CLVS1: variants seen among roughly 807,000 people sequenced by gnomAD.
CLVS1 encodes the protein clavesin-1.
A neutral mutation model predicts 33.1 loss-of-function variants in CLVS1; 10 were observed. The ratio of observed to expected loss-of-function variants is 0.30; its 90% CI spans 0.19 to 0.51. The LOEUF (loss-of-function observed/expected upper bound fraction) is 0.51, where lower values mean the gene tolerates loss of function less well. Among genes scored for constraint, CLVS1 ranks in the 20% least tolerant of loss-of-function variants. CLVS1 has a pLI of 0.97. For synonymous variants in CLVS1, 163 were observed against 166.1 expected (o/e 0.98, Z 0.14); for missense variants, 343 against 433.4 (o/e 0.79, Z 1.85).
In CLVS1 at chr8:61,164,045, A is replaced by T. The variant is rs546583422; in HGVS notation, c.-152+32185A>T. On this transcript the variant is annotated intron_variant, in intron 2 of 2. Transcript: ENST00000522621. ...AATGCGTGGGGTTTATATCCCAATC[A>T]TTGTCCCTCCCCCTGTGCTCTCAGG... Among the ~76,000 whole-genome samples, 310 of 152,240 alleles carry T rather than the reference A, an allele frequency of 2.0e-3. 1 individual carries two copies. The highest frequency in any genetic ancestry group is 7.2e-3 in the African/African-American group (300 of 41,542).
At chr8:60,974,519 C>T in the CLVS1 span, among the ~76,000 whole-genome samples, 1 of 152,138 alleles carries the variant, frequency 6.6e-6, no homozygotes, top group East Asian at 1.9e-4. Context: ...CCATTGATAC[C>T]ATGCTTATTT....
intron 3 of CLVS1, among the ~76,000 whole-genome samples, chr8:61,451,717 G>A (rs894425933): frequency 6.6e-6 from 1 of 151,980 alleles, no homozygotes; most frequent in East Asian, 1.9e-4. Flanking sequence ...GATCAGGCAA[G>A]AGGCAACCAA....
chr8:61,305,050 ATCCT>A (rs1436050969), intron 2 of CLVS1, among the ~76,000 whole-genome samples: 1 of 152,066 alleles, frequency 6.6e-6, no homozygotes, highest in African/African-American at 2.4e-5. Context: ...AGTTGCTTAA[ATCCT>A]TATTACCCTC....
At chr8:61,000,466 C>G in the CLVS1 span, among the ~76,000 whole-genome samples, 1 of 152,014 alleles carries the variant, frequency 6.6e-6, no homozygotes, top group Non-Finnish European at 1.5e-5. Flanking sequence ...CTGACGGGTT[C>G]AAGGGGAGTG....
At chr8:61,105,818 G>A (rs6996549) in intron 1 of CLVS1, among the ~76,000 whole-genome samples, 4,129 of 151,746 alleles carry the variant, frequency 0.027, 184 homozygotes, top group African/African-American at 0.094. Flanking sequence ...TTAGGAATCA[G>A]CAGCTATAGG....
rs35834045 is a variant in CLVS1, at chr8:61,101,807, G to GTTT, written c.-242-29953_-242-29951dup. On this transcript the variant is annotated intron_variant, in intron 1 of 2. Transcript: ENST00000522621. ...AAATATGGTGTGAGTAGGAGTCCAA[G>GTTT]TTTTTTTTTTTTCATGTAGATATTC... Among the ~76,000 whole-genome samples the GTTT allele has an allele frequency of 3.1e-3, 460 of 147,280 alleles. 1 individual carries two copies. The highest frequency in any genetic ancestry group is 4.6e-3 in the Non-Finnish European group (304 of 66,568).
chr8:61,168,347 A>T (rs1806923710), intron 2 of CLVS1, among the ~76,000 whole-genome samples: 1 of 152,232 alleles, frequency 6.6e-6, no homozygotes, highest in Admixed American at 6.5e-5. Context: ...TCTTTATTAA[A>T]AATTCCAACA....
upstream of CLVS1, among the ~76,000 whole-genome samples, chr8:61,053,866 G>A (rs7002018): frequency 2.9e-4 from 44 of 152,264 alleles, no homozygotes; most frequent in African/African-American, 9.9e-4. Context: ...CCTACCTGTC[G>A]GGTGGACTCA....
intron 2 of CLVS1, among the ~76,000 whole-genome samples, chr8:61,166,082 C>T (rs577500768): frequency 1.5e-5 from 2 of 135,392 alleles, no homozygotes; most frequent in African/African-American, 2.7e-5. Context: ...GAAAGGGCTG[C>T]GTCTTTTCTC....
At chr8:61,424,342 C>A (rs765992549) in intron 3 of CLVS1, among the ~76,000 whole-genome samples, 1 of 152,230 alleles carries the variant, frequency 6.6e-6, no homozygotes, top group Non-Finnish European at 1.5e-5. Context: ...CAGCACACAG[C>A]ACTACAATGA....
rs538322888 is a variant in CLVS1, at chr8:61,312,186, A to C, written c.455+11904A>C. Among the ~76,000 whole-genome samples the C allele has an allele frequency of 1.9e-4, 28 of 151,256 alleles. No individual in the cohort carries two copies. In the South Asian group the frequency reaches 3.4e-3, roughly 18 times the overall value. The stretch of plus-strand genomic sequence containing the variant: ...GCCCCTGGCACAAGCCCAAACTCCA[A>C]CCCCCAATTCCTGTGCCCAGAGCCT... On this transcript the variant is annotated intron_variant, in intron 2 of 5. Transcript: ENST00000325897.
chr8:61,221,644 C>T (rs1258345615), intron 2 of CLVS1, among the ~76,000 whole-genome samples: 2 of 151,902 alleles, frequency 1.3e-5, no homozygotes, highest in African/African-American at 4.8e-5. Flanking sequence ...CCTGAAGTGT[C>T]CTCTTTTTGT....
At chr8:61,008,413 A>G in the CLVS1 span, among the ~76,000 whole-genome samples, 1 of 151,856 alleles carries the variant, frequency 6.6e-6, no homozygotes, top group Admixed American at 6.6e-5. Flanking sequence ...AGAAGAGAGG[A>G]GTACCACGGA....
the CLVS1 span, among the ~76,000 whole-genome samples, chr8:61,039,210 T>A: frequency 6.6e-6 from 1 of 152,240 alleles, no homozygotes; most frequent in Non-Finnish European, 1.5e-5. Flanking sequence ...TTAACAAATT[T>A]TCACAAAACA....
At chr8:61,084,286 C>G (rs1393981360) in intron 1 of CLVS1, among the ~76,000 whole-genome samples, 6 of 152,138 alleles carry the variant, frequency 3.9e-5, no homozygotes, top group Non-Finnish European at 7.3e-5. Context: ...CAAACCTGGA[C>G]AACTAGACAA....
intron 2 of CLVS1, among the ~76,000 whole-genome samples, chr8:61,232,048 T>TTTTTG (rs1808457023): frequency 6.9e-6 from 1 of 145,080 alleles, no homozygotes; most frequent in South Asian, 2.3e-4. Context: ...TTTTTTTTTT[T>TTTTTG]TTGTGAGATG....
intron 1 of CLVS1, among the ~76,000 whole-genome samples, chr8:61,105,802 C>A (rs1805524658): frequency 6.6e-6 from 1 of 151,924 alleles, no homozygotes; most frequent in African/African-American, 2.4e-5. Context: ...CTCCTACTCC[C>A]CAAACTTAGG....
intron 1 of CLVS1, chr8:61,090,990 C>CA: frequency 4.1e-6 from 2 of 490,688 alleles, no homozygotes; most frequent in Non-Finnish European, 8.0e-6. Context: ...TGACCCATGC[C>CA]CCCCCACCAA....
chr8:61,197,006 T>G (rs1290223560), intron 2 of CLVS1, among the ~76,000 whole-genome samples: 1 of 152,198 alleles, frequency 6.6e-6, no homozygotes, highest in Non-Finnish European at 1.5e-5. Context: ...GCTTCATCCA[T>G]GTAGACAGCA....
Sources: gnomAD v4.1 joint callset for allele counts (sites outside exome capture counted in the v4.1 genomes callset) on GRCh38, gnomAD v4.1.1 for gene constraint, MANE v1.5 for transcripts, NCBI Gene and HGNC (gene_info 2026-07-23, HGNC 2026-07-21) for gene names.